Variants in KAZN observed in about 807,000 individuals in gnomAD.
KAZN encodes the protein kazrin.
KAZN carries 40 observed loss-of-function variants against 87.4 expected under a neutral mutation model. The observed-to-expected ratio is 0.46, with a 90% CI of 0.36 to 0.60. The LOEUF (loss-of-function observed/expected upper bound fraction) is 0.60, where lower values mean the gene tolerates loss of function less well. KAZN is among the 20% of genes least tolerant of loss of function. KAZN has a pLI of 0.00. For missense variants in KAZN, 898 were observed against 1,073.9 expected (o/e 0.84, Z 2.29); for synonymous variants, 466 against 458.3 (o/e 1.02, Z -0.22).
chr1:14,993,425 C>A (rs1219856520), intron 2 of KAZN, among the ~76,000 whole-genome samples: 1 of 151,716 alleles, frequency 6.6e-6, no homozygotes, highest in African/African-American at 2.4e-5. Context: ...GCCAAGATCA[C>A]GCCATTGCAC....
chr1:14,900,753 C>CAAA lies in KAZN; in HGVS notation c.227-59918_227-59916dup, dbSNP rs34012645. The stretch of plus-strand genomic sequence containing the variant: ...TGGGCGACAGAGCAAGACTCCATCT[C>CAAA]AAAAAAAAAAAAAAAGAGCTATGAT... On this transcript the variant is annotated intron_variant, in intron 1 of 14. Coordinates refer to ENST00000376030, the MANE Select transcript of KAZN (RefSeq NM_201628.3). 2.5e-4 allele frequency among the ~76,000 whole-genome samples: 33 copies of CAAA among 131,982 alleles called. 1 individual carries two copies. Among genetic ancestry groups the CAAA allele is most frequent in the East Asian group, 2.0e-3 (9 of 4,500 alleles). 86.6% of individuals were successfully genotyped at this position (131,982 alleles called of 152,430 possible).
chr1:13,982,488 G>A lies in KAZN; in HGVS notation c.91+88732G>A, dbSNP rs183881412. 2.5e-3 allele frequency among the ~76,000 whole-genome samples: 374 copies of A among 152,294 alleles called. 2 individuals are homozygous for A. Among genetic ancestry groups the A allele is most frequent in the African/African-American group, 8.4e-3 (349 of 41,550 alleles). On this transcript the variant is annotated intron_variant, in intron 1 of 16. Transcript: ENST00000636203. ...TGTGGACCCAAAGAGTGAGCAGTAG[G>A]AAGATTTATTGCAAAGAGCGAAAGA...
chr1:14,568,951 G>A (rs942583165), intron 2 of KAZN, among the ~76,000 whole-genome samples: 3 of 152,170 alleles, frequency 2.0e-5, no homozygotes, highest in Non-Finnish European at 2.9e-5. Context: ...GGAAATTAAG[G>A]CAGTTACACA....
chr1:13,893,515 C>A, exon 1 of KAZN: 1 of 1,298,390 alleles, frequency 7.7e-7, no homozygotes, highest in Non-Finnish European at 1.0e-6. Flanking sequence ...AAGGAAGAAA[C>A]ACTATAAACT....
At chr1:14,662,480 G>A (rs1030702139) in intron 1 of KAZN, among the ~76,000 whole-genome samples, 2 of 152,130 alleles carry the variant, frequency 1.3e-5, no homozygotes, top group African/African-American at 4.8e-5. Flanking sequence ...GGCTGTGGGA[G>A]GACGAAGTTC....
intron 1 of KAZN, among the ~76,000 whole-genome samples, chr1:14,903,487 C>G (rs868403357): frequency 6.6e-6 from 1 of 152,224 alleles, no homozygotes; most frequent in Admixed American, 6.5e-5. Flanking sequence ...AGGGGGCACA[C>G]TTTGCCATTG....
chr1:14,466,642 C>T (rs1460913032), intron 2 of KAZN, among the ~76,000 whole-genome samples: 3 of 144,598 alleles, frequency 2.1e-5, no homozygotes, highest in Non-Finnish European at 4.5e-5. Context: ...ACATGTACCC[C>T]AAACTTAAAA....
chr1:14,405,986 G>A (rs570674041), intron 2 of KAZN, among the ~76,000 whole-genome samples: 1 of 152,096 alleles, frequency 6.6e-6, no homozygotes, highest in Non-Finnish European at 1.5e-5. Flanking sequence ...ATGGTTAATC[G>A]GTGCACAAAA....
chr1:15,075,989 G>T (rs1440410143), intron 8 of KAZN, among the ~76,000 whole-genome samples: 1 of 152,242 alleles, frequency 6.6e-6, no homozygotes, highest in Non-Finnish European at 1.5e-5. Flanking sequence ...AGATGTCAGA[G>T]TCACATCCAA....
chr1:14,267,269 G>A (rs1651555356), intron 2 of KAZN, among the ~76,000 whole-genome samples: 1 of 151,406 alleles, frequency 6.6e-6, no homozygotes, highest in Non-Finnish European at 1.5e-5. Flanking sequence ...ATTTAAAGGA[G>A]GGGTGTCCAA....
chr1:13,937,906 C>T (rs1202269409), intron 1 of KAZN, among the ~76,000 whole-genome samples: 2 of 152,218 alleles, frequency 1.3e-5, no homozygotes, highest in East Asian at 3.9e-4. Context: ...ATGCCAGTAC[C>T]ATGCTGTTAT....
intron 1 of KAZN, among the ~76,000 whole-genome samples, chr1:14,706,222 A>G (rs111473882): frequency 2.7e-4 from 41 of 152,230 alleles, no homozygotes; most frequent in African/African-American, 9.4e-4. Flanking sequence ...GCTCCCATTG[A>G]TTCTATATTA....
At chr1:15,082,497 GA>G (rs921802220) in intron 8 of KAZN, among the ~76,000 whole-genome samples, 2 of 152,006 alleles carry the variant, frequency 1.3e-5, no homozygotes, top group African/African-American at 4.8e-5. Flanking sequence ...AGTAAAAGAA[GA>G]AAAAAAATTA....
intron 2 of KAZN, among the ~76,000 whole-genome samples, chr1:14,467,760 A>T (rs1219657669): frequency 2.0e-5 from 3 of 149,916 alleles, no homozygotes; most frequent in Non-Finnish European, 4.4e-5. Flanking sequence ...ATTCAGCCTT[A>T]CTCACCTAAG....
chr1:15,087,639 G>A (rs771201007), intron 8 of KAZN, among the ~76,000 whole-genome samples: 6 of 152,048 alleles, frequency 3.9e-5, no homozygotes, highest in Non-Finnish European at 7.4e-5. Flanking sequence ...CACCCACCTC[G>A]GTGTCCCAAA....
chr1:14,659,307 G>A (rs148949117), intron 1 of KAZN, among the ~76,000 whole-genome samples: 30 of 152,228 alleles, frequency 2.0e-4, no homozygotes, highest in Admixed American at 5.9e-4. Context: ...CCAAAGGAAT[G>A]TATTACAAAT....
intron 1 of KAZN, among the ~76,000 whole-genome samples, chr1:14,144,606 G>C (rs541420372): frequency 6.6e-6 from 1 of 152,168 alleles, no homozygotes; most frequent in East Asian, 1.9e-4. Context: ...AGTCCATTTT[G>C]TGTTGCTATA....
chr1:15,070,164 A>G (rs1034384057), intron 8 of KAZN, among the ~76,000 whole-genome samples: 1 of 152,222 alleles, frequency 6.6e-6, no homozygotes, highest in Non-Finnish European at 1.5e-5. Context: ...GCCGCCAAGC[A>G]GCTGGGCCTT....
At chr1:14,416,574 T>C (rs927540672) in intron 2 of KAZN, among the ~76,000 whole-genome samples, 1 of 151,896 alleles carries the variant, frequency 6.6e-6, no homozygotes, top group Admixed American at 6.6e-5. Flanking sequence ...CCATCTCTAA[T>C]AAAACTACAA....
Sources: gnomAD v4.1 joint callset for allele counts (sites outside exome capture counted in the v4.1 genomes callset) on GRCh38, gnomAD v4.1.1 for gene constraint, MANE v1.5 for transcripts, NCBI Gene and HGNC (gene_info 2026-07-23, HGNC 2026-07-21) for gene names.